The following SBF2 variants were observed in gnomAD, a reference collection of about 807,000 sequenced individuals.
The protein encoded by SBF2 is myotubularin-related protein 13.
In SBF2, 112 loss-of-function variants were observed where a neutral mutation model predicts 225.2. That is an observed-to-expected ratio of 0.50 (90% CI 0.43 to 0.58). The LOEUF (loss-of-function observed/expected upper bound fraction) is 0.58. Ranked by LOEUF, SBF2 falls within the 20% of genes least tolerant of loss-of-function variation. The pLI is 0.00. For missense variants in SBF2, 1,996 were observed against 2,206.2 expected (o/e 0.90, Z 1.91); for synonymous variants, 763 against 773.3 (o/e 0.99, Z 0.22).
intron 1 of SBF2, among the ~76,000 whole-genome samples, chr11:10,261,992 G>A (rs1283246532): frequency 6.6e-6 from 1 of 152,154 alleles, no homozygotes; most frequent in Non-Finnish European, 1.5e-5. Flanking sequence ...TGACTCAGAA[G>A]GGGCATAATA....
intron 17 of SBF2, among the ~76,000 whole-genome samples, chr11:9,886,742 C>T (rs926580462): frequency 7.1e-6 from 1 of 141,360 alleles, no homozygotes; most frequent in African/African-American, 2.7e-5. Context: ...CATACTTCAC[C>T]CACTCTTTAT....
intron 24 of SBF2, 47 bp downstream of exon 24, chr11:9,845,518 A>G (rs1230522595): frequency 6.5e-7 from 1 of 1,548,706 alleles, no homozygotes; most frequent in Non-Finnish European, 8.9e-7. Context: ...TCCTTTTGCA[A>G]TCAATTACGG....
intron 16 of SBF2, chr11:9,959,174 T>C: frequency 3.7e-6 from 3 of 817,936 alleles, no homozygotes; most frequent in South Asian, 1.4e-5. Flanking sequence ...TCCATGCTGA[T>C]TCCTTCACAG....
intron 25 of SBF2, among the ~76,000 whole-genome samples, chr11:9,841,714 A>C (rs1027205023): frequency 3.3e-5 from 5 of 152,118 alleles, no homozygotes; most frequent in Admixed American, 2.0e-4. Flanking sequence ...TTGTATTTTC[A>C]GTAGCAACAG....
intron 2 of SBF2, among the ~76,000 whole-genome samples, chr11:10,179,882 T>G (rs750170481): frequency 6.6e-6 from 1 of 152,192 alleles, no homozygotes; most frequent in Admixed American, 6.5e-5. Context: ...TGTTGTATGT[T>G]TTTCAATTCA....
intron 16 of SBF2, among the ~76,000 whole-genome samples, chr11:9,943,172 G>T (rs1251282432): frequency 1.3e-5 from 2 of 151,992 alleles, no homozygotes; most frequent in Non-Finnish European, 2.9e-5. Context: ...TGGGGCAATT[G>T]GTTATTCATT....
At chr11:10,196,866 A>ATATTTTTTGT in intron 1 of SBF2, among the ~76,000 whole-genome samples, 1 of 99,314 alleles carries the variant, frequency 1.0e-5, no homozygotes, top group Non-Finnish European at 2.0e-5. Context: ...ATATATATAT[A>ATATTTTTTGT]TTTTTTTTTT....
intron 28 of SBF2, among the ~76,000 whole-genome samples, chr11:9,827,362 A>C (rs981914822): frequency 8.5e-5 from 13 of 152,088 alleles, no homozygotes; most frequent in Non-Finnish European, 1.5e-4. Context: ...ACTCTGTCCC[A>C]AAAAATATTT....
intron 35 of SBF2, chr11:9,788,066 G>C: frequency 2.6e-6 from 1 of 379,018 alleles, no homozygotes; most frequent in Non-Finnish European, 5.0e-6. Flanking sequence ...CAAAGCAAGA[G>C]GTCAAGCACT....
intron 17 of SBF2, among the ~76,000 whole-genome samples, chr11:9,862,460 A>G (rs184104050): frequency 2.5e-4 from 38 of 152,380 alleles, no homozygotes; most frequent in Admixed American, 2.2e-3. Flanking sequence ...GAGAGAATCT[A>G]TAAAGAAAGA....
chr11:9,931,718 C>T (rs1864511584), intron 16 of SBF2, among the ~76,000 whole-genome samples: 1 of 152,204 alleles, frequency 6.6e-6, no homozygotes, highest in African/African-American at 2.4e-5. Flanking sequence ...CAGAGCACCT[C>T]TTCTCCTCCA....
intron 2 of SBF2, among the ~76,000 whole-genome samples, chr11:10,173,925 C>G (rs1433314141): frequency 1.3e-5 from 2 of 151,904 alleles, no homozygotes; most frequent in South Asian, 4.2e-4. Flanking sequence ...GGGCCGGGTA[C>G]TCCAACAGAC....
chr11:9,801,719 G>A (rs1394582836), intron 32 of SBF2, among the ~76,000 whole-genome samples: 1 of 152,230 alleles, frequency 6.6e-6, no homozygotes, highest in Non-Finnish European at 1.5e-5. Flanking sequence ...TTATAAAACA[G>A]ATTGGATTAT....
intron 2 of SBF2, among the ~76,000 whole-genome samples, chr11:10,089,954 GGATAAACAAAATGT>G: frequency 6.6e-6 from 1 of 152,244 alleles, no homozygotes; most frequent in Middle Eastern, 3.4e-3. Flanking sequence ...ATAGATGAAT[GGATAAACAAAATGT>G]GATATAAGCA....
At chr11:9,807,085 G>A (rs543102412) in intron 32 of SBF2, among the ~76,000 whole-genome samples, 215 of 152,320 alleles carry the variant, frequency 1.4e-3, no homozygotes, top group African/African-American at 4.9e-3. Flanking sequence ...AGGCCAGTGT[G>A]TTTCAAAGAG....
intron 13 of SBF2, among the ~76,000 whole-genome samples, chr11:9,974,314 T>G (rs1590652241): frequency 6.6e-6 from 1 of 152,184 alleles, no homozygotes. Flanking sequence ...AGTAGGTGTC[T>G]TGTGTATTGT....
At chr11:10,144,181 A>G (rs1190786351) in intron 2 of SBF2, among the ~76,000 whole-genome samples, 3 of 152,188 alleles carry the variant, frequency 2.0e-5, no homozygotes, top group Non-Finnish European at 4.4e-5. Context: ...TTAGCGCCCT[A>G]TTTAGAAATA....
At chr11:9,966,957 A>G (rs906616670) in intron 14 of SBF2, among the ~76,000 whole-genome samples, 1 of 152,248 alleles carries the variant, frequency 6.6e-6, no homozygotes, top group African/African-American at 2.4e-5. Flanking sequence ...TTGCACATAA[A>G]TGTTCACAGC....
chr11:9,984,727 A>G (rs1947121466), intron 13 of SBF2, among the ~76,000 whole-genome samples: 1 of 152,232 alleles, frequency 6.6e-6, no homozygotes, highest in South Asian at 2.1e-4. Flanking sequence ...TTAACAGCAG[A>G]TTTCTCAGCA....
Sources: allele counts gnomAD v4.1 joint callset (sites outside exome capture counted in the v4.1 genomes callset), GRCh38; gene constraint gnomAD v4.1.1; transcripts MANE v1.5; gene names NCBI Gene and HGNC (gene_info 2026-07-23, HGNC 2026-07-21).